SLC35F6: variants seen among roughly 807,000 people sequenced by gnomAD.
SLC35F6 encodes ANT2-binding protein.
A neutral mutation model predicts 29.4 loss-of-function variants in SLC35F6; 26 were observed. The observed-to-expected ratio is 0.89, with a 90% confidence interval of 0.65 to 1.23. SLC35F6 has a LOEUF of 1.23. Among genes scored for constraint, SLC35F6 ranks in the 50% most tolerant of loss-of-function variants. SLC35F6 has a pLI of 0.00. For synonymous variants in SLC35F6, 174 were observed against 206.6 expected, an observed-to-expected ratio of 0.84 and a Z score of 1.35; for missense variants, 428 against 487.8, an observed-to-expected ratio of 0.88 and a Z score of 1.15.
intron 1 of SLC35F6, among the ~76,000 whole-genome samples, chr2:26,768,892 C>G (rs1456108486): frequency 6.6e-6 from 1 of 152,178 alleles, no homozygotes; most frequent in African/African-American, 2.4e-5. Flanking sequence ...ATCCACCTGC[C>G]TCAGCCTCCC....
At position 26,775,049 on chromosome 2, in the gene SLC35F6, G is replaced by A. The variant is rs1200554995; in HGVS notation, c.156G>A (p.Val52=). Residue 52 remains valine (V), a synonymous_variant, in exon 3 of 6, where the codon GTG becomes GTA. Transcript: ENST00000344420. The surrounding 1 kb of genome is among the most constrained non-coding windows in gnomAD (Gnocchi z 4.6). ...TCGGGTTTTCATCCCTGCAGGCAGT[G>A]GGCATGTTCCTGGGAGAATTCTCCT... The part of the protein sequence containing the change: ...HSFQHPFLQA[V]GMFLGEFSCL... The A allele has an allele frequency of 1.2e-6, 2 of 1,613,254 alleles. No individual in the cohort carries two copies. The highest frequency in any genetic ancestry group is 1.3e-5 in the African/African-American group (1 of 74,852).
intron 1 of SLC35F6, among the ~76,000 whole-genome samples, chr2:26,768,880 C>T (rs1488091765): frequency 6.6e-6 from 1 of 151,754 alleles, no homozygotes; most frequent in Non-Finnish European, 1.5e-5. Context: ...TGGGCTCAAG[C>T]AATCCACCTG....
In SLC35F6 at chr2:26,778,279, T is replaced by TG; in HGVS notation, c.886dup (p.Asp296GlyfsTer74). On this transcript the variant is annotated frameshift_variant, in exon 6 of 6. Transcript: ENST00000344420. LOFTEE classifies it high-confidence loss of function. The stretch of plus-strand genomic sequence containing the variant: ...CTGAGCGCCACCACCCGCATGGTGT[T>TG]GGACAGCTTGCGCACCGTTGTCATC... The TG allele has an allele frequency of 6.2e-7, 1 of 1,614,210 alleles. No homozygotes were observed. Among genetic ancestry groups the TG allele is most frequent in the Non-Finnish European group, 8.5e-7 (1 of 1,180,024 alleles).
rs2148061797 is a variant in SLC35F6, at chr2:26,780,807, A to C, written c.*2296A>C. On this transcript the variant is annotated 3_prime_UTR_variant, in exon 6 of 6. Coordinates refer to ENST00000344420, the MANE Select transcript of SLC35F6 (RefSeq NM_017877.4). Reference sequence around the variant, plus strand: ...CCAGTGCTGCTCCTTGGAACAGTTGAGTGTGGCCTCAAACCATTCTCCTGG... The same window carrying C: ...CCAGTGCTGCTCCTTGGAACAGTTGCGTGTGGCCTCAAACCATTCTCCTGG... 6.6e-6 allele frequency: 1 copy of C among 152,380 alleles called. No homozygotes were observed. The highest frequency in any genetic ancestry group is 1.9e-4 in the East Asian group (1 of 5,178). The allele number at this position is 152,380 out of a possible 1,614,324, so 9.4% of individuals were successfully genotyped here. A position where few individuals can be genotyped will look rare whatever the true frequency, so the allele number is the denominator to read the frequency against.
chr2:26,772,960 T>C (rs1196296478), intron 1 of SLC35F6, among the ~76,000 whole-genome samples: 4 of 152,188 alleles, frequency 2.6e-5, no homozygotes, highest in Non-Finnish European at 2.9e-5. Context: ...TGCCGGGTGC[T>C]GACTGGGAGG....
intron 1 of SLC35F6, among the ~76,000 whole-genome samples, chr2:26,765,934 G>C (rs1558616381): frequency 1.3e-5 from 2 of 152,186 alleles, no homozygotes; most frequent in African/African-American, 2.4e-5. Flanking sequence ...AGTCCACCAG[G>C]GCTGCTGCCC....
At position 26,775,713 on chromosome 2, in the gene SLC35F6, C is replaced by G; in HGVS notation, c.535+37C>G. The G allele has an allele frequency of 6.6e-7, 1 of 1,516,754 alleles. No individual in the cohort carries two copies. The highest frequency in any genetic ancestry group is 1.2e-5 in the South Asian group (1 of 81,014). 94.0% of individuals were successfully genotyped at this position (1,516,754 alleles called of 1,614,324 possible). ...GGCAGGGACACGGGGCTGCCCTATCCTGCCCTGTCCTCCTTGGGAGCCCAG... is the reference window on the plus strand; with the variant it reads ...GGCAGGGACACGGGGCTGCCCTATCGTGCCCTGTCCTCCTTGGGAGCCCAG... On this transcript the variant is annotated intron_variant, in intron 4 of 5. Coordinates refer to ENST00000344420, the MANE Select transcript of SLC35F6 (RefSeq NM_017877.4). This position sits in a 1 kb window ranked among gnomAD's most constrained non-coding sequence, Gnocchi z 4.6.
At chr2:26,774,048 C>T (rs1429582622) in intron 1 of SLC35F6, among the ~76,000 whole-genome samples, 1 of 152,188 alleles carries the variant, frequency 6.6e-6, no homozygotes, top group East Asian at 1.9e-4. Flanking sequence ...GATTTCTGTG[C>T]ATTACAGAGG....
rs1328259037 is a variant in SLC35F6, at chr2:26,775,747, C to A, written c.535+71C>A. ...CCTCCTTGGGAGCCCAGCACAGACT[C>A]ATACAAGCTCTGCCATGTGCCATAT... is the stretch of plus-strand genomic sequence containing the variant. On this transcript the variant is annotated intron_variant, in intron 4 of 5. Coordinates refer to ENST00000344420, the MANE Select transcript of SLC35F6 (RefSeq NM_017877.4). The surrounding 1 kb of genome is among the most constrained non-coding windows in gnomAD (Gnocchi z 4.6). The A allele has an allele frequency of 5.5e-6, 8 of 1,452,244 alleles. No homozygotes were observed. The highest frequency in any genetic ancestry group is 7.3e-6 in the Non-Finnish European group (8 of 1,095,770). 90.0% of individuals were successfully genotyped at this position (1,452,244 alleles called of 1,614,324 possible).
rs1408296709 is a variant in SLC35F6 at position 26,778,469 on chromosome 2, A to T, written c.1074A>T (p.Arg358Ser). Reference sequence around the variant, plus strand: ...TGGCAGAGGAGAGCGAGCAGGAGAGACTGCTGGGTGGCACCCGCACTCCCA... The same window carrying T: ...TGGCAGAGGAGAGCGAGCAGGAGAGTCTGCTGGGTGGCACCCGCACTCCCA... ...RPLAEESEQE[R>S]LLGGTRTPIN... The change falls in exon 6 of 6, where the codon AGA becomes AGT. Residue 358 changes from arginine (R) to serine (S), a missense_variant. Physicochemically the swap from Arg to Ser is moderately radical, Grantham distance 110 (BLOSUM62 -1). Transcript: ENST00000344420. The T allele has an allele frequency of 6.2e-7, 1 of 1,612,504 alleles. No homozygotes were observed. The highest frequency in any genetic ancestry group is 8.5e-7 in the Non-Finnish European group (1 of 1,179,432).
intron 1 of SLC35F6, among the ~76,000 whole-genome samples, chr2:26,768,656 C>CTTT (rs569353471): frequency 2.4e-5 from 3 of 124,002 alleles, no homozygotes; most frequent in African/African-American, 6.2e-5. Flanking sequence ...TGTGCCCAGC[C>CTTT]TTTTTTTTTT....
chr2:26,777,028 G>A (rs1183249270), intron 5 of SLC35F6, among the ~76,000 whole-genome samples: 1 of 152,226 alleles, frequency 6.6e-6, no homozygotes, highest in Middle Eastern at 3.4e-3. Flanking sequence ...TGGCAAAACC[G>A]TCTCTACAAA....
chr2:26,765,050 T>G, intron 1 of SLC35F6: 1 of 972,992 alleles, frequency 1.0e-6, no homozygotes, highest in Non-Finnish European at 1.2e-6. Flanking sequence ...GGGAATGACA[T>G]GTTGAAAGTG....
At chr2:26,776,571 G>T (rs1049179664) in intron 5 of SLC35F6, 89 bp downstream of exon 5, 21 of 1,208,460 alleles carry the variant, frequency 1.7e-5, no homozygotes, top group African/African-American at 9.0e-5. Flanking sequence ...GTTCACTTGT[G>T]GGGGGTGAAC....
At chr2:26,772,479 G>C (rs1472617166) in intron 1 of SLC35F6, among the ~76,000 whole-genome samples, 1 of 152,194 alleles carries the variant, frequency 6.6e-6, no homozygotes, top group African/African-American at 2.4e-5. Context: ...AACGGCTCTG[G>C]GACTGTGTTG....
intron 1 of SLC35F6, among the ~76,000 whole-genome samples, chr2:26,768,757 C>G (rs898412744): frequency 6.6e-6 from 1 of 151,908 alleles, no homozygotes; most frequent in East Asian, 1.9e-4. Flanking sequence ...ATCCTCCCAC[C>G]TCAGCCTCCC....
At chr2:26,768,863 AAACTCCTGGGCTCAAGC>A (rs1452311758) in intron 1 of SLC35F6, among the ~76,000 whole-genome samples, 4 of 151,438 alleles carry the variant, frequency 2.6e-5, no homozygotes, top group Admixed American at 6.6e-5. Context: ...GGCTGGTCTC[AAACTCCTGGGCTCAAGC>A]AATCCACCTG....
rs1339755023 is a variant in SLC35F6 at position 26,778,091 on chromosome 2, C to T, written c.696C>T (p.Tyr232=). The T allele has an allele frequency of 6.2e-7, 1 of 1,614,088 alleles. No homozygotes were observed. Among genetic ancestry groups the T allele is most frequent in the Admixed American group, 1.7e-5 (1 of 60,016 alleles). The stretch of plus-strand genomic sequence containing the variant: ...CCCTGCTGCTGGTGCCCATGTACTA[C>T]ATCCCCGCCGGCTCCTTCAGCGGAA... The part of the protein sequence containing the change: ...ILSLLLVPMY[Y]IPAGSFSGNP... Residue 232 remains tyrosine (Y), a synonymous_variant, in exon 6 of 6, where the codon TAC becomes TAT. Transcript: ENST00000344420.
intron 1 of SLC35F6, among the ~76,000 whole-genome samples, chr2:26,768,985 T>C (rs1664142737): frequency 6.6e-6 from 1 of 152,162 alleles, no homozygotes; most frequent in African/African-American, 2.4e-5. Flanking sequence ...GGGCTCACCA[T>C]TGTCACCTCA....
Sources: allele counts gnomAD v4.1 joint callset (sites outside exome capture counted in the v4.1 genomes callset), GRCh38; gene constraint gnomAD v4.1.1; non-coding constraint Gnocchi (gnomAD v3.1); transcripts MANE v1.5; gene names NCBI Gene and HGNC (gene_info 2026-07-23, HGNC 2026-07-21).